MRPL1: variants seen among roughly 807,000 people sequenced by gnomAD.
MRPL1 encodes large ribosomal subunit protein uL1m.
In MRPL1, 28 loss-of-function variants were observed where a neutral mutation model predicts 38.0. That is an observed-to-expected ratio of 0.74 (90% CI 0.55 to 1.01). The LOEUF (loss-of-function observed/expected upper bound fraction) is 1.01. Among genes scored for constraint, MRPL1 ranks in the 50% least tolerant of loss-of-function variants. MRPL1 has a pLI of 0.00. For synonymous variants in MRPL1, 123 were observed against 126.7 expected (o/e 0.97, Z 0.20); for missense variants, 358 against 389.8 (o/e 0.92, Z 0.69).
At chr4:77,928,227 G>A (rs1009033365) in intron 7 of MRPL1, among the ~76,000 whole-genome samples, 2 of 152,172 alleles carry the variant, frequency 1.3e-5, no homozygotes, top group Admixed American at 6.5e-5. Flanking sequence ...TGAAATTAGA[G>A]AGCCTTTGGT....
chr4:77,939,424 A>T (rs1372833428), intron 7 of MRPL1, among the ~76,000 whole-genome samples: 2 of 151,906 alleles, frequency 1.3e-5, no homozygotes, highest in Non-Finnish European at 2.9e-5. Flanking sequence ...AGTTTCTTCT[A>T]GATTCTGGAT....
chr4:77,892,702 C>T (rs1735833082), intron 5 of MRPL1, among the ~76,000 whole-genome samples: 2 of 142,848 alleles, frequency 1.4e-5, no homozygotes, highest in Admixed American at 1.4e-4. Context: ...AGTTCTTTGA[C>T]ATTTAGAAAT....
intron 7 of MRPL1, among the ~76,000 whole-genome samples, chr4:77,920,240 A>C (rs1229831493): frequency 6.6e-6 from 1 of 152,190 alleles, no homozygotes; most frequent in African/African-American, 2.4e-5. Flanking sequence ...TATATTTTCA[A>C]TCAACTTCTG....
chr4:77,887,785 C>T (rs978522207), intron 5 of MRPL1, among the ~76,000 whole-genome samples: 2 of 152,142 alleles, frequency 1.3e-5, no homozygotes, highest in Admixed American at 1.3e-4. Flanking sequence ...TCCCAAAGTA[C>T]TGGGGTTACA....
chr4:77,902,628 T>A (rs1736061571), intron 6 of MRPL1, among the ~76,000 whole-genome samples: 1 of 150,008 alleles, frequency 6.7e-6, no homozygotes, highest in Non-Finnish European at 1.5e-5. Flanking sequence ...GCTGGACTGA[T>A]TTTTTTTTTA....
chr4:77,880,784 G>T lies in MRPL1; in HGVS notation c.144-2458G>T, dbSNP rs908790154. The stretch of plus-strand genomic sequence containing the variant: ...TTTTGTAAGCACCTTGTTAGCTTTT[G>T]CTATGTAACAAACCACTCCACAATT... On this transcript the variant is annotated intron_variant, in intron 2 of 8. Coordinates refer to ENST00000315567, the MANE Select transcript of MRPL1 (RefSeq NM_020236.4). 5.9e-5 allele frequency among the ~76,000 whole-genome samples: 9 copies of T among 152,212 alleles called. 1 individual carries two copies. The South Asian group carries it at 1.9e-3, about 32-fold the overall frequency.
chr4:77,868,889 A>C (rs961105447), intron 1 of MRPL1, among the ~76,000 whole-genome samples: 6 of 152,192 alleles, frequency 3.9e-5, no homozygotes, highest in African/African-American at 1.4e-4. Context: ...GTACCTTGGT[A>C]AAAATTTCCT....
chr4:77,926,754 G>A (rs1034708430), intron 7 of MRPL1, among the ~76,000 whole-genome samples: 9 of 151,718 alleles, frequency 5.9e-5, no homozygotes, highest in East Asian at 1.9e-4. Context: ...GACCACAGGC[G>A]CATGCCACCG....
intron 3 of MRPL1, 93 bp from the exon 4 acceptor site, chr4:77,885,163 G>C: frequency 2.1e-6 from 2 of 955,590 alleles, no homozygotes; most frequent in Non-Finnish European, 3.3e-6. Context: ...TCAGAACACT[G>C]AAAACAAAAC....
chr4:77,950,739 C>T (rs532499354), intron 8 of MRPL1, among the ~76,000 whole-genome samples: 1 of 152,262 alleles, frequency 6.6e-6, no homozygotes, highest in African/African-American at 2.4e-5. Flanking sequence ...ACTTTGATTT[C>T]AGTACAGGAT....
intron 6 of MRPL1, among the ~76,000 whole-genome samples, chr4:77,907,536 C>G (rs1384894305): frequency 2.8e-5 from 4 of 144,676 alleles, no homozygotes; most frequent in African/African-American, 1.0e-4. Context: ...CCCTCTCTCT[C>G]TCTCTCTCAG....
chr4:77,914,801 C>T (rs746702219), intron 7 of MRPL1, among the ~76,000 whole-genome samples: 17 of 151,964 alleles, frequency 1.1e-4, no homozygotes, highest in Admixed American at 3.3e-4. Flanking sequence ...GACGGTATGA[C>T]GGTATCACAT....
intron 7 of MRPL1, among the ~76,000 whole-genome samples, chr4:77,931,642 C>T (rs997432170): frequency 6.6e-6 from 1 of 152,182 alleles, no homozygotes; most frequent in African/African-American, 2.4e-5. Context: ...CAGAACTATT[C>T]AAGTCTTTGA....
intron 7 of MRPL1, among the ~76,000 whole-genome samples, chr4:77,923,894 CAG>C (rs1294140902): frequency 6.6e-6 from 1 of 151,744 alleles, no homozygotes; most frequent in Non-Finnish European, 1.5e-5. Context: ...GGTTGAACCT[CAG>C]GGGCGGAAGC....
chr4:77,949,686 G>A, intron 7 of MRPL1, 111 bp from the exon 8 acceptor site: 1 of 638,968 alleles, frequency 1.6e-6, no homozygotes, highest in South Asian at 2.5e-5. Flanking sequence ...TTCACAGTAG[G>A]GTCATTTACT....
At chr4:77,947,253 T>TAAGATTCAG (rs1290326670) in intron 7 of MRPL1, among the ~76,000 whole-genome samples, 2 of 152,188 alleles carry the variant, frequency 1.3e-5, no homozygotes, top group Non-Finnish European at 2.9e-5. Flanking sequence ...AAGCAGACAG[T>TAAGATTCAG]AAGATTCAGT....
At chr4:77,943,387 G>C (rs1045782157) in intron 7 of MRPL1, among the ~76,000 whole-genome samples, 3 of 151,948 alleles carry the variant, frequency 2.0e-5, no homozygotes, top group Middle Eastern at 3.2e-3. Context: ...AAATTTCCCA[G>C]GTGTTCTTTG....
chr4:77,878,993 G>A (rs911198778), intron 2 of MRPL1, among the ~76,000 whole-genome samples: 5 of 152,158 alleles, frequency 3.3e-5, no homozygotes, highest in Non-Finnish European at 5.9e-5. Flanking sequence ...CTTATTACTC[G>A]TTTAATCTGT....
At chr4:77,864,890 CTT>C (rs112779226) in intron 1 of MRPL1, 13 of 135,590 alleles carry the variant, frequency 9.6e-5, no homozygotes, top group Non-Finnish European at 1.3e-4. Context: ...TTGTGTATAT[CTT>C]TTTTTTTTTT....
Sources: allele counts gnomAD v4.1 joint callset (sites outside exome capture counted in the v4.1 genomes callset), GRCh38; gene constraint gnomAD v4.1.1; transcripts MANE v1.5; gene names NCBI Gene and HGNC (gene_info 2026-07-23, HGNC 2026-07-21).